SLC4A4: variants seen among roughly 807,000 people sequenced by gnomAD.
SLC4A4 encodes the protein solute carrier family 4 member 4, also known as electrogenic sodium bicarbonate cotransporter 1.
In SLC4A4, 27 loss-of-function variants were observed where a neutral mutation model predicts 111.5. The ratio of observed to expected loss-of-function variants is 0.24; its 90% CI spans 0.18 to 0.33. The LOEUF is 0.33. Among genes scored for constraint, SLC4A4 ranks in the 10% least tolerant of loss-of-function variants. SLC4A4 has a pLI of 1.00. For synonymous variants in SLC4A4, 443 were observed against 463.4 expected (o/e 0.96, Z 0.57); for missense variants, 909 against 1,315.5 (o/e 0.69, Z 4.78).
At chr4:71,481,726 C>T (rs1051901381) in intron 14 of SLC4A4, among the ~76,000 whole-genome samples, 2 of 147,188 alleles carry the variant, frequency 1.4e-5, no homozygotes, top group Non-Finnish European at 3.0e-5. Flanking sequence ...GTCACAGATA[C>T]ATTTGTAAAT....
chr4:71,115,575 A>C (rs1743223194), intron 2 of SLC4A4, among the ~76,000 whole-genome samples: 1 of 152,116 alleles, frequency 6.6e-6, no homozygotes, highest in African/African-American at 2.4e-5. Context: ...GTCTGGTTTT[A>C]CTCTTCTACT....
intron 13 of SLC4A4, among the ~76,000 whole-genome samples, chr4:71,467,193 C>G (rs540163989): frequency 6.6e-6 from 1 of 152,054 alleles, no homozygotes; most frequent in Admixed American, 6.6e-5. Flanking sequence ...GAGTGCCTTG[C>G]CATTTGTTAT....
chr4:71,199,435 A>G (rs7696006), intron 1 of SLC4A4, among the ~76,000 whole-genome samples: 14,208 of 152,262 alleles, frequency 0.093, 1,002 homozygotes, highest in Admixed American at 0.24. Flanking sequence ...CTACTCTGAA[A>G]AAGTTTACTT....
intron 8 of SLC4A4, among the ~76,000 whole-genome samples, chr4:71,441,193 C>T (rs1560511253): frequency 1.3e-5 from 2 of 152,100 alleles, no homozygotes; most frequent in African/African-American, 4.8e-5. Context: ...TTTATACACA[C>T]ATATATATAT....
intron 1 of SLC4A4, among the ~76,000 whole-genome samples, chr4:71,192,584 A>G (rs1409279927): frequency 1.3e-5 from 2 of 152,192 alleles, no homozygotes; most frequent in Non-Finnish European, 2.9e-5. Flanking sequence ...ACAGTGGTTG[A>G]GGACTATTTA....
chr4:71,293,779 A>G (rs1220429582), intron 3 of SLC4A4, among the ~76,000 whole-genome samples: 1 of 152,168 alleles, frequency 6.6e-6, no homozygotes, highest in Admixed American at 6.6e-5. Flanking sequence ...GTTTGGGATA[A>G]CTATTTTTCT....
chr4:71,099,507 C>A (rs1742654393), intron 2 of SLC4A4, among the ~76,000 whole-genome samples: 1 of 152,096 alleles, frequency 6.6e-6, no homozygotes, highest in South Asian at 2.1e-4. Context: ...CTCAAATTAG[C>A]AACCTAACAT....
intron 3 of SLC4A4, among the ~76,000 whole-genome samples, chr4:71,268,753 C>T (rs965165364): frequency 6.6e-6 from 1 of 152,152 alleles, no homozygotes; most frequent in Non-Finnish European, 1.5e-5. Flanking sequence ...CTTTTTTCTC[C>T]TTTGCTGCAA....
intron 1 of SLC4A4, among the ~76,000 whole-genome samples, chr4:71,078,933 C>T (rs72648749): frequency 0.11 from 16,465 of 151,998 alleles, 1,159 homozygotes; most frequent in Non-Finnish European, 0.14. Flanking sequence ...ATTCTCCTGC[C>T]TCAGCCTCCC....
chr4:71,068,010 T>C (rs1286569401), intron 1 of SLC4A4, among the ~76,000 whole-genome samples: 1 of 151,646 alleles, frequency 6.6e-6, no homozygotes, highest in African/African-American at 2.4e-5. Context: ...TCGCTTCCCA[T>C]AGTGTTGGGA....
In SLC4A4 at chr4:71,530,310, C is replaced by A. The variant is rs188370122; in HGVS notation, c.2167-1752C>A. On this transcript the variant is annotated intron_variant, in intron 16 of 25. Transcript: ENST00000264485. ...ATGTTCCAGGCAATATTGTTAAGCACTTTCATGGCTTTTCTTACTTAATTC... is the reference window on the plus strand; with the variant it reads ...ATGTTCCAGGCAATATTGTTAAGCAATTTCATGGCTTTTCTTACTTAATTC... Among the ~76,000 whole-genome samples the A allele has an allele frequency of 3.4e-3, 513 of 152,208 alleles. 1 individual carries two copies. The highest frequency in any genetic ancestry group is 0.011 in the South Asian group (52 of 4,826).
intron 4 of SLC4A4, among the ~76,000 whole-genome samples, chr4:71,340,078 G>A (rs1728768524): frequency 6.6e-6 from 1 of 151,780 alleles, no homozygotes; most frequent in African/African-American, 2.4e-5. Context: ...AAAAAAATCA[G>A]CCGGGCATGG....
At chr4:71,142,125 A>G (rs1402377260) in intron 2 of SLC4A4, among the ~76,000 whole-genome samples, 1 of 152,212 alleles carries the variant, frequency 6.6e-6, no homozygotes, top group Non-Finnish European at 1.5e-5. Flanking sequence ...TTCTGATACA[A>G]ACTATAGGTA....
chr4:71,330,749 T>G (rs1345851243), intron 3 of SLC4A4, among the ~76,000 whole-genome samples: 1 of 151,948 alleles, frequency 6.6e-6, no homozygotes, highest in East Asian at 1.9e-4. Flanking sequence ...GTAATTAAAC[T>G]AAAGAGCTTC....
chr4:71,499,432 AT>A lies in SLC4A4; in HGVS notation c.2166+1746del, dbSNP rs549484479. On this transcript the variant is annotated intron_variant, in intron 16 of 25. Transcript: ENST00000264485. Reference sequence around the variant, plus strand: ...AACATATCCATTACCTCACATACTTATTTTTTGTGATGAGAACATTTAAAAC... The same window carrying A: ...AACATATCCATTACCTCACATACTTATTTTTGTGATGAGAACATTTAAAAC... 3.4e-3 allele frequency among the ~76,000 whole-genome samples: 523 copies of A among 152,266 alleles called. 3 individuals carry two copies. The highest frequency in any genetic ancestry group is 0.012 in the African/African-American group (501 of 41,566).
intron 1 of SLC4A4, among the ~76,000 whole-genome samples, chr4:71,220,230 C>A (rs1020388908): frequency 1.3e-5 from 2 of 152,174 alleles, no homozygotes; most frequent in Non-Finnish European, 2.9e-5. Flanking sequence ...CAAAAAATTA[C>A]AACTTGGTGA....
chr4:71,240,058 G>A (rs1720085315), intron 2 of SLC4A4, among the ~76,000 whole-genome samples: 2 of 152,102 alleles, frequency 1.3e-5, no homozygotes, highest in East Asian at 3.9e-4. Flanking sequence ...TTCAAACATA[G>A]ATGGGGGAAA....
chr4:71,087,025 C>G (rs1742198753), intron 1 of SLC4A4, among the ~76,000 whole-genome samples: 2 of 151,942 alleles, frequency 1.3e-5, no homozygotes, highest in African/African-American at 4.8e-5. Context: ...GCTGCGAATC[C>G]ATCTGGTCCT....
At chr4:71,079,341 A>AT (rs1438065992) in intron 1 of SLC4A4, among the ~76,000 whole-genome samples, 4 of 152,196 alleles carry the variant, frequency 2.6e-5, no homozygotes, top group Non-Finnish European at 1.5e-5. Context: ...GTGTGAAGGC[A>AT]TCTGTAGCTG....
Sources: allele counts gnomAD v4.1 joint callset (sites outside exome capture counted in the v4.1 genomes callset), GRCh38; gene constraint gnomAD v4.1.1; transcripts MANE v1.5; gene names NCBI Gene and HGNC (gene_info 2026-07-23, HGNC 2026-07-21).